The following MORN4 variants were observed in gnomAD, a reference collection of about 807,000 sequenced individuals.
MORN4 encodes the protein MORN repeat-containing protein 4.
A neutral mutation model predicts 16.4 loss-of-function variants in MORN4; 8 were observed. That is an observed-to-expected ratio of 0.49 (90% CI 0.29 to 0.88). MORN4 has a LOEUF of 0.88. Ranked by LOEUF, MORN4 falls within the 40% of genes least tolerant of loss-of-function variation. The pLI is 0.09. For synonymous variants in MORN4, 53 were observed against 68.9 expected (o/e 0.77, Z 1.14); for missense variants, 159 against 182.9 (o/e 0.87, Z 0.75).
At chr10:97,621,780 G>A (rs1030474250) in intron 1 of MORN4, among the ~76,000 whole-genome samples, 1 of 151,826 alleles carries the variant, frequency 6.6e-6, no homozygotes, top group Non-Finnish European at 1.5e-5. Context: ...CAGAAGAACT[G>A]CTTGAACTCG....
At chr10:97,633,797 A>G (rs1321691957), upstream of MORN4, among the ~76,000 whole-genome samples, 1 of 152,210 alleles carries the variant, frequency 6.6e-6, no homozygotes, top group South Asian at 2.1e-4. The surrounding 1 kb of genome is among the most constrained non-coding windows in gnomAD (Gnocchi z 4.5). Flanking sequence ...TCCAGTCCCC[A>G]CTGCTGTCAA....
chr10:97,631,636 C>T (rs1420711739), intron 1 of MORN4, among the ~76,000 whole-genome samples: 1 of 150,242 alleles, frequency 6.7e-6, no homozygotes, highest in Non-Finnish European at 1.5e-5. Flanking sequence ...AAAAAACTGA[C>T]ATAAAGAGGA....
rs1325009344 is a variant in MORN4 at position 97,617,216 on chromosome 10, A to T, written c.174T>A (p.Asp58Glu). 6.2e-7 allele frequency: 1 copy of T among 1,613,706 alleles called. No homozygotes were observed. The highest frequency in any genetic ancestry group is 1.7e-5 in the Admixed American group (1 of 60,020). ...FNGFGVLTFS[D>E]GSRYEGEFAQ... ...AATGACCTCATACCCACCTTGAACC[A>T]TCTGAGAAGGTCAATACCCCAAAGC... is the stretch of plus-strand genomic sequence containing the variant. The change falls in exon 3 of 5, where the codon GAT (aspartate) becomes GAA (glutamate). Residue 58 changes from aspartate (D) to glutamate (E), a missense_variant. Coordinates refer to ENST00000307450, the MANE Select transcript of MORN4 (RefSeq NM_178832.4).
chr10:97,619,264 G>A (rs2041267046), intron 2 of MORN4: 3 of 409,620 alleles, frequency 7.3e-6, no homozygotes, highest in Non-Finnish European at 1.3e-5. Flanking sequence ...GGCAGAGGTT[G>A]CAGTGAGCTG....
At chr10:97,629,979 C>A (rs1260361276) in intron 1 of MORN4, among the ~76,000 whole-genome samples, 2 of 138,766 alleles carry the variant, frequency 1.4e-5, no homozygotes, top group East Asian at 4.2e-4. Context: ...GGCTGGAGTT[C>A]AGTGGCACGA....
intron 1 of MORN4, among the ~76,000 whole-genome samples, chr10:97,621,607 C>T (rs956385002): frequency 6.6e-6 from 1 of 152,102 alleles, no homozygotes; most frequent in Non-Finnish European, 1.5e-5. Context: ...TGGCCGGGTG[C>T]GGTGGCTCAC....
At chr10:97,632,713 T>A (rs1252892041) in intron 1 of MORN4, among the ~76,000 whole-genome samples, 3 of 151,964 alleles carry the variant, frequency 2.0e-5, no homozygotes, top group Admixed American at 6.6e-5. Flanking sequence ...ATTTTTTTTT[T>A]TTTTTATTTA....
At chr10:97,632,323 A>G (rs1215635292) in intron 1 of MORN4, among the ~76,000 whole-genome samples, 1 of 149,554 alleles carries the variant, frequency 6.7e-6, no homozygotes, top group Non-Finnish European at 1.5e-5. Flanking sequence ...GGTTCAAGCA[A>G]TTCTCCTGCC....
intron 1 of MORN4, among the ~76,000 whole-genome samples, chr10:97,620,211 G>T (rs2041276457): frequency 6.6e-6 from 1 of 152,008 alleles, no homozygotes; most frequent in Non-Finnish European, 1.5e-5. Context: ...AACAGGCCAG[G>T]GGCAGTGGCT....
intron 1 of MORN4, among the ~76,000 whole-genome samples, chr10:97,624,069 C>A (rs952983885): frequency 6.6e-6 from 1 of 151,998 alleles, no homozygotes; most frequent in Non-Finnish European, 1.5e-5. Flanking sequence ...GGGGGCCTGG[C>A]GCCAACAGCT....
chr10:97,632,212 C>CTTTTTTTTT (rs1162979185), intron 1 of MORN4, among the ~76,000 whole-genome samples: 4 of 86,970 alleles, frequency 4.6e-5, no homozygotes, highest in African/African-American at 1.5e-4. Context: ...TAATACTCCC[C>CTTTTTTTTT]TTTTTTTTTT....
Position 97,616,307 on chromosome 10 carries a change from G to A in MORN4, c.397C>T (p.Arg133Trp), listed in dbSNP as rs147515528. Residue 133 changes from arginine (R) to tryptophan (W), a missense_variant, in exon 5 of 5, where the codon CGG (arginine) becomes TGG (tryptophan). Arg to Trp is a moderately radical substitution (Grantham distance 101). Transcript: ENST00000307450. ...RREKCSAIVQ[R>W]AQSASKSARN... ...GCTGACTTGGAGGCGCTCTGGGCCC[G>A]CTGAACAATGGCAGAACACTTCTCA... 2.7e-4 allele frequency: 434 copies of A among 1,612,056 alleles called. No homozygotes were observed. Among genetic ancestry groups the A allele is most frequent in the Non-Finnish European group, 3.5e-4 (415 of 1,179,148 alleles).
chr10:97,625,051 G>A (rs1404979629), intron 1 of MORN4, among the ~76,000 whole-genome samples: 1 of 152,144 alleles, frequency 6.6e-6, no homozygotes, highest in Non-Finnish European at 1.5e-5. Flanking sequence ...ACTTTTTGGG[G>A]TGGGTATTAT....
In MORN4 at chr10:97,615,239, G is replaced by A. The variant is rs2041226077; in HGVS notation, c.*1024C>T. The stretch of plus-strand genomic sequence containing the variant: ...ATGAATACCAGTCTGATCAGACCAA[G>A]TGGAAGCCTGCAGCCATGATTCCAA... On this transcript the variant is annotated 3_prime_UTR_variant, in exon 5 of 5. Coordinates refer to ENST00000307450, the MANE Select transcript of MORN4 (RefSeq NM_178832.4). 6.6e-6 allele frequency: 1 copy of A among 152,566 alleles called. No individual in the cohort carries two copies. The highest frequency in any genetic ancestry group is 1.5e-5 in the Non-Finnish European group (1 of 68,112). 9.5% of individuals were successfully genotyped at this position (152,566 alleles called of 1,614,324 possible).
At chr10:97,630,771 A>AAAGGAATT (rs1254348791) in intron 1 of MORN4, among the ~76,000 whole-genome samples, 3 of 152,244 alleles carry the variant, frequency 2.0e-5, no homozygotes, top group Non-Finnish European at 2.9e-5. Context: ...ACTGACCTAA[A>AAAGGAATT]AAGGAATTTC....
intron 1 of MORN4, among the ~76,000 whole-genome samples, chr10:97,625,155 T>C (rs1217141399): frequency 6.6e-6 from 1 of 152,144 alleles, no homozygotes; most frequent in Non-Finnish European, 1.5e-5. Flanking sequence ...ACGTGAAAGT[T>C]AGAATCAGAG....
intron 1 of MORN4, among the ~76,000 whole-genome samples, chr10:97,632,524 T>G (rs902997980): frequency 1.3e-5 from 2 of 151,824 alleles, no homozygotes; most frequent in Non-Finnish European, 2.9e-5. Flanking sequence ...GCCTAAATAT[T>G]TTTTTTTAAG....
chr10:97,623,926 T>C (rs970897150), intron 1 of MORN4, among the ~76,000 whole-genome samples: 31 of 152,088 alleles, frequency 2.0e-4, no homozygotes, highest in East Asian at 7.7e-4. Context: ...TTAGTAGAGA[T>C]GGAGTTTCAC....
chr10:97,627,061 T>C (rs2041354880), intron 1 of MORN4, among the ~76,000 whole-genome samples: 1 of 149,518 alleles, frequency 6.7e-6, no homozygotes, highest in South Asian at 2.1e-4. Flanking sequence ...CCGGCCTGAT[T>C]TTTGTTTGTT....
Sources: gnomAD v4.1 joint callset for allele counts (sites outside exome capture counted in the v4.1 genomes callset) on GRCh38, gnomAD v4.1.1 for gene constraint, Gnocchi (gnomAD v3.1) non-coding constraint, MANE v1.5 for transcripts, NCBI Gene and HGNC (gene_info 2026-07-23, HGNC 2026-07-21) for gene names.